The following CNTN6 variants were observed in gnomAD, a reference collection of about 807,000 sequenced individuals.
The protein encoded by CNTN6 is contactin-6.
In CNTN6, 137 loss-of-function variants were observed where a neutral mutation model predicts 122.8. The ratio of observed to expected loss-of-function variants is 1.12; its 90% CI spans 0.97 to 1.29. The LOEUF (loss-of-function observed/expected upper bound fraction) is 1.29, where lower values mean the gene tolerates loss of function less well. Ranked by LOEUF, CNTN6 falls within the 50% of genes most tolerant of loss-of-function variation. The pLI, the probability that CNTN6 is intolerant of heterozygous loss-of-function variation, is 0.00. For synonymous variants in CNTN6, 570 were observed against 426.0 expected (o/e 1.34, Z -4.16); for missense variants, 1,634 against 1,223.4 (o/e 1.34, Z -5.01).
At chr3:1,370,747 C>T (rs1157462329) in intron 12 of CNTN6, among the ~76,000 whole-genome samples, 1 of 152,006 alleles carries the variant, frequency 6.6e-6, no homozygotes, top group Non-Finnish European at 1.5e-5. Context: ...ACTCAGGAGG[C>T]TGAGGCAGGA....
At position 1,404,034 on chromosome 3, in the gene CNTN6, A is replaced by G. The variant is rs1696042037; in HGVS notation, c.*616A>G. ...AAAAAGTATTTTATGGCAAAGAAAA[A>G]TAAATGATGGGAAATGAGCACCCAC... On this transcript the variant is annotated 3_prime_UTR_variant, in exon 23 of 23. Transcript: ENST00000446702. 6.6e-6 allele frequency: 1 copy of G among 152,150 alleles called. No homozygotes were observed. The highest frequency in any genetic ancestry group is 1.5e-5 in the Non-Finnish European group (1 of 68,028). 9.4% of individuals were successfully genotyped at this position (152,150 alleles called of 1,614,324 possible).
intron 5 of CNTN6, among the ~76,000 whole-genome samples, chr3:1,292,911 A>C (rs1020308252): frequency 3.3e-5 from 5 of 152,168 alleles, no homozygotes; most frequent in African/African-American, 1.2e-4. Flanking sequence ...TCACACACAC[A>C]CACACACAAA....
In CNTN6 at chr3:1,295,564, G is replaced by GGTTTT. The variant is rs747708317; in HGVS notation, c.455-17_455-13dup. ...TGAATGAATGCAGTAAGGACAGTAT[G>GGTTTT]GTTTTGTTTTGTTTTGTTTTGTTTC... On this transcript the variant is annotated intron_variant, in intron 5 of 22. Transcript: ENST00000446702. The GGTTTT allele has an allele frequency of 5.9e-4, 895 of 1,522,528 alleles. 7 individuals are homozygous for GGTTTT. The highest frequency in any genetic ancestry group is 8.4e-4 in the African/African-American group (61 of 72,770). The allele number at this position is 1,522,528 out of a possible 1,614,324, so 94.3% of individuals were successfully genotyped here.
In CNTN6 at chr3:1,384,685, T is replaced by TAC. The variant is rs1338415991; in HGVS notation, c.2518-925_2518-924insCA. Among the ~76,000 whole-genome samples, 163 of 76,666 alleles carry TAC rather than the reference T, an allele frequency of 2.1e-3. 1 individual carries two copies. The highest frequency in any genetic ancestry group is 7.7e-3 in the South Asian group (23 of 2,990). 50.3% of individuals were successfully genotyped at this position (76,666 alleles called of 152,430 possible). ...TTTTGCCTATATATATATATATATA[T>TAC]ATACACACACACACACGTATACATA... On this transcript the variant is annotated intron_variant, in intron 19 of 22. Transcript: ENST00000446702.
chr3:1,156,131 C>T (rs1365954541), intron 2 of CNTN6, among the ~76,000 whole-genome samples: 1 of 152,164 alleles, frequency 6.6e-6, no homozygotes, highest in African/African-American at 2.4e-5. Flanking sequence ...TGTAAGATCT[C>T]TGCACTTTTT....
intron 3 of CNTN6, among the ~76,000 whole-genome samples, chr3:1,225,014 C>T (rs2094261588): frequency 6.6e-6 from 1 of 152,104 alleles, no homozygotes; most frequent in Non-Finnish European, 1.5e-5. Context: ...TTCCAAAGTG[C>T]TGGGATTACA....
chr3:1,369,472 T>C (rs2126130018), intron 12 of CNTN6, among the ~76,000 whole-genome samples: 1 of 151,754 alleles, frequency 6.6e-6, no homozygotes, highest in East Asian at 2.0e-4. Flanking sequence ...CAATAAATAT[T>C]AGTTACAAAT....
At chr3:1,115,870 C>T (rs2091699730) in intron 1 of CNTN6, among the ~76,000 whole-genome samples, 1 of 152,066 alleles carries the variant, frequency 6.6e-6, no homozygotes, top group Non-Finnish European at 1.5e-5. Flanking sequence ...CAAAACAACA[C>T]TTATTACAAG....
intron 1 of CNTN6, among the ~76,000 whole-genome samples, chr3:1,127,555 C>G (rs1235697964): frequency 2.0e-5 from 3 of 151,858 alleles, no homozygotes; most frequent in African/African-American, 7.2e-5. Flanking sequence ...AATGATAACA[C>G]TAGCCAATAA....
chr3:1,187,240 G>A (rs2093641244), intron 2 of CNTN6, among the ~76,000 whole-genome samples: 1 of 151,658 alleles, frequency 6.6e-6, no homozygotes, highest in Non-Finnish European at 1.5e-5. Context: ...AATGAAGTAT[G>A]TTTTTTGTAA....
At chr3:1,245,199 T>G (rs1338111678) in intron 4 of CNTN6, among the ~76,000 whole-genome samples, 1 of 1,412 alleles carries the variant, frequency 7.1e-4, no homozygotes, top group Non-Finnish European at 1.3e-3. Context: ...GAAAATGTGA[T>G]ATATATATAT....
intron 11 of CNTN6, among the ~76,000 whole-genome samples, chr3:1,343,031 TCTC>T (rs1559876615): frequency 6.6e-6 from 1 of 152,180 alleles, no homozygotes; most frequent in Non-Finnish European, 1.5e-5. Context: ...TCTTCCTCCT[TCTC>T]CTCAGCCTAC....
At chr3:1,139,080 G>GT (rs993294523) in intron 1 of CNTN6, among the ~76,000 whole-genome samples, 1 of 151,886 alleles carries the variant, frequency 6.6e-6, no homozygotes, top group Non-Finnish European at 1.5e-5. Flanking sequence ...TTCTTCACCT[G>GT]TTTTTTGCAA....
At chr3:1,170,389 G>A (rs1243239586) in intron 2 of CNTN6, among the ~76,000 whole-genome samples, 2 of 152,014 alleles carry the variant, frequency 1.3e-5, no homozygotes, top group Non-Finnish European at 2.9e-5. Context: ...TATGGGTAAC[G>A]TAAGCTAAAG....
At chr3:1,384,784 T>TACACACACACAC (rs1262554562) in intron 19 of CNTN6, among the ~76,000 whole-genome samples, 1 of 133,620 alleles carries the variant, frequency 7.5e-6, no homozygotes, top group African/African-American at 2.7e-5. Flanking sequence ...TATATATATA[T>TACACACACACAC]ATATATATAT....
At chr3:1,246,120 A>T (rs868827636) in intron 4 of CNTN6, among the ~76,000 whole-genome samples, 2 of 152,168 alleles carry the variant, frequency 1.3e-5, no homozygotes, top group African/African-American at 4.8e-5. Flanking sequence ...AGATAGATCA[A>T]TGAAGTATTG....
At chr3:1,324,302 T>G (rs528040431) in intron 8 of CNTN6, among the ~76,000 whole-genome samples, 4 of 149,106 alleles carry the variant, frequency 2.7e-5, no homozygotes, top group Non-Finnish European at 5.9e-5. Context: ...AGAAAAACTC[T>G]AGAAGTCAGA....
chr3:1,340,073 T>A (rs371504790), intron 11 of CNTN6, among the ~76,000 whole-genome samples: 1 of 152,138 alleles, frequency 6.6e-6, no homozygotes, highest in South Asian at 2.1e-4. Context: ...TTATTCATAT[T>A]TTTAGATGAG....
chr3:1,273,940 G>A (rs1436281254), intron 4 of CNTN6, among the ~76,000 whole-genome samples: 1 of 152,146 alleles, frequency 6.6e-6, no homozygotes, highest in Non-Finnish European at 1.5e-5. Flanking sequence ...GGATTGTGGA[G>A]CACTGACAAT....
Sources: gnomAD v4.1 joint callset for allele counts (sites outside exome capture counted in the v4.1 genomes callset) on GRCh38, gnomAD v4.1.1 for gene constraint, MANE v1.5 for transcripts, NCBI Gene and HGNC (gene_info 2026-07-23, HGNC 2026-07-21) for gene names.